KIZ: variants seen among roughly 807,000 people sequenced by gnomAD.
KIZ encodes kizuna centrosomal protein.
Under a neutral mutation model 79.6 loss-of-function variants are expected in KIZ, and 68 were observed. The ratio of observed to expected loss-of-function variants is 0.85; its 90% CI spans 0.70 to 1.05. The LOEUF (loss-of-function observed/expected upper bound fraction) is 1.05. KIZ is among the 50% of genes least tolerant of loss of function. The pLI is 0.00. For missense variants in KIZ, 797 were observed against 800.4 expected (o/e 1.00, Z 0.05); for synonymous variants, 280 against 281.8 (o/e 0.99, Z 0.06).
At chr20:21,191,202 T>C (rs2035090260) in intron 6 of KIZ, among the ~76,000 whole-genome samples, 1 of 152,228 alleles carries the variant, frequency 6.6e-6, no homozygotes, top group African/African-American at 2.4e-5. Flanking sequence ...ATCTCATGCA[T>C]AGTGTTAGCC....
At chr20:21,186,544 G>A (rs747560671) in intron 6 of KIZ, among the ~76,000 whole-genome samples, 15 of 148,756 alleles carry the variant, frequency 1.0e-4, no homozygotes, top group Middle Eastern at 3.2e-3. Context: ...TTTTTCATTC[G>A]GTACTCTCAT....
chr20:21,207,516 C>T (rs1364520401), intron 7 of KIZ, among the ~76,000 whole-genome samples: 1 of 138,628 alleles, frequency 7.2e-6, no homozygotes, highest in Non-Finnish European at 1.5e-5. Context: ...CACCCACCTT[C>T]TCTCTCTTCT....
intron 6 of KIZ, among the ~76,000 whole-genome samples, chr20:21,193,198 C>G (rs1600500595): frequency 6.6e-6 from 1 of 152,132 alleles, no homozygotes; most frequent in Non-Finnish European, 1.5e-5. Context: ...AGAGATCACA[C>G]CATTTTGAGA....
intron 4 of KIZ, among the ~76,000 whole-genome samples, chr20:21,148,512 A>G (rs2032962043): frequency 6.6e-6 from 1 of 152,166 alleles, no homozygotes; most frequent in African/African-American, 2.4e-5. Flanking sequence ...GTGTCTTACC[A>G]AAAAGGCACA....
intron 11 of KIZ, among the ~76,000 whole-genome samples, chr20:21,237,099 C>T (rs2037039036): frequency 2.0e-5 from 3 of 151,638 alleles, no homozygotes; most frequent in South Asian, 2.1e-4. Context: ...GTCAGGAGTT[C>T]GAGACCAGCA....
intron 6 of KIZ, among the ~76,000 whole-genome samples, chr20:21,176,569 C>CAAAAAAAAAA: frequency 7.6e-6 from 1 of 131,114 alleles, no homozygotes; most frequent in Non-Finnish European, 1.6e-5. Context: ...ACAAAAAAGG[C>CAAAAAAAAAA]AAAAAAAAAA....
At chr20:21,221,292 C>G (rs2036494421) in intron 9 of KIZ, among the ~76,000 whole-genome samples, 1 of 152,110 alleles carries the variant, frequency 6.6e-6, no homozygotes, top group Non-Finnish European at 1.5e-5. Flanking sequence ...AAATACAGCA[C>G]CTAGCACAGT....
chr20:21,168,620 G>A lies in KIZ; in HGVS notation c.1352+5461G>A, dbSNP rs371901097. Among the ~76,000 whole-genome samples, 1,131 of 152,234 alleles carry A rather than the reference G, an allele frequency of 7.4e-3. 7 individuals are homozygous for A. The highest frequency in any genetic ancestry group is 0.012 in the Non-Finnish European group (792 of 68,018). ...ATAGAACCAAAAGAGAGCCCGCATC[G>A]CCAAGTCAATCCTAAGCCAAAAGAA... On this transcript the variant is annotated intron_variant, in intron 6 of 12. Transcript: ENST00000619189.
Position 21,229,108 on chromosome 20 carries a change from C to A in KIZ, c.1776C>A (p.His592Gln), listed in dbSNP as rs139272874. The change falls in exon 10 of 13, where the codon CAC (histidine) becomes CAA (glutamine). Residue 592 changes from histidine (H) to glutamine (Q), a missense_variant. Physicochemically the swap from His to Gln is conservative, Grantham distance 24. Coordinates refer to ENST00000619189, the MANE Select transcript of KIZ (RefSeq NM_018474.6). ...RFQKTDASVSHLSGLNIGSGA... is the reference protein window; with the variant it reads ...RFQKTDASVSQLSGLNIGSGA... The stretch of plus-strand genomic sequence containing the variant: ...AAAAGACAGATGCTTCTGTGTCACA[C>A]TTGTCAGGTAAGTAAGAGCAGATGG... 103 of 1,597,484 alleles carry A rather than the reference C, an allele frequency of 6.4e-5. No homozygotes were observed. The African/African-American group carries it at 9.9e-4, about 15-fold the overall frequency.
At chr20:21,132,022 C>G in intron 1 of KIZ, 75 bp from the exon 2 acceptor site, 2 of 699,700 alleles carry the variant, frequency 2.9e-6, no homozygotes, top group Non-Finnish European at 5.0e-6. Context: ...GCCATTATTT[C>G]AAAGAAGAGC....
intron 3 of KIZ, among the ~76,000 whole-genome samples, chr20:21,137,436 A>G (rs1381018726): frequency 1.3e-5 from 2 of 149,560 alleles, no homozygotes; most frequent in Non-Finnish European, 3.0e-5. Context: ...AGTTGGATTC[A>G]GTATTCTGCC....
chr20:21,142,504 C>G (rs2032610579), intron 3 of KIZ, among the ~76,000 whole-genome samples: 1 of 152,058 alleles, frequency 6.6e-6, no homozygotes, highest in South Asian at 2.1e-4. Flanking sequence ...ATTGATGATA[C>G]TCTTTATTAT....
chr20:21,162,811 A>C, intron 5 of KIZ, 39 bp from the exon 6 acceptor site: 1 of 1,538,638 alleles, frequency 6.5e-7, no homozygotes, highest in Non-Finnish European at 8.9e-7. Flanking sequence ...TTCCTCCTGA[A>C]GTCAGTGATT....
chr20:21,154,871 C>T (rs982365211), intron 4 of KIZ, among the ~76,000 whole-genome samples: 1 of 152,154 alleles, frequency 6.6e-6, no homozygotes, highest in African/African-American at 2.4e-5. Flanking sequence ...GAAGAGACAC[C>T]TGTCTTAGAG....
intron 4 of KIZ, chr20:21,158,774 G>A (rs961912419): frequency 6.6e-6 from 1 of 151,964 alleles, no homozygotes; most frequent in African/African-American, 2.4e-5. Flanking sequence ...CCTCTGTGGG[G>A]AGAGATGGGA....
chr20:21,152,236 G>A (rs185404555), intron 4 of KIZ, among the ~76,000 whole-genome samples: 2 of 152,200 alleles, frequency 1.3e-5, no homozygotes, highest in Admixed American at 1.3e-4. Flanking sequence ...TAAGTAACTT[G>A]TTCTTTACAT....
chr20:21,156,744 C>T (rs1323865187), intron 4 of KIZ, among the ~76,000 whole-genome samples: 2 of 152,200 alleles, frequency 1.3e-5, no homozygotes, highest in East Asian at 3.9e-4. Context: ...CACTGAAGTG[C>T]TTAGTGGTAG....
chr20:21,219,028 A>G (rs943152580), intron 9 of KIZ, among the ~76,000 whole-genome samples: 2 of 152,178 alleles, frequency 1.3e-5, no homozygotes, highest in South Asian at 4.1e-4. Flanking sequence ...AGTATAAGAG[A>G]AGACGTGGCT....
At chr20:21,215,483 CAA>C (rs61160188) in intron 8 of KIZ, 98 bp from the exon 9 acceptor site, 4,183 of 464,978 alleles carry the variant, frequency 9.0e-3, no homozygotes, top group South Asian at 0.017. Flanking sequence ...ATACATTAAC[CAA>C]AAAAAAAAAA....
Sources: gnomAD v4.1 joint callset for allele counts (sites outside exome capture counted in the v4.1 genomes callset) on GRCh38, gnomAD v4.1.1 for gene constraint, MANE v1.5 for transcripts, NCBI Gene and HGNC (gene_info 2026-07-23, HGNC 2026-07-21) for gene names.